Variants in RALGDS observed in about 807,000 individuals in gnomAD.
The protein encoded by RALGDS is ral guanine nucleotide dissociation stimulator, also known as ral guanine nucleotide exchange factor.
A neutral mutation model predicts 99.8 loss-of-function variants in RALGDS; 44 were observed. The ratio of observed to expected loss-of-function variants is 0.44; its 90% CI spans 0.35 to 0.57. RALGDS has a LOEUF of 0.57. Among genes scored for constraint, RALGDS ranks in the 20% least tolerant of loss-of-function variants. The pLI, the probability that RALGDS is intolerant of heterozygous loss-of-function variation, is 0.01. For missense variants in RALGDS, 1,022 were observed against 1,203.1 expected (o/e 0.85, Z 2.23); for synonymous variants, 529 against 505.0 (o/e 1.05, Z -0.64).
upstream of RALGDS, chr9:133,131,213 C>T: frequency 3.6e-6 from 4 of 1,101,686 alleles, no homozygotes; most frequent in Non-Finnish European, 4.5e-6. Flanking sequence ...GCTGAGCAGA[C>T]AGTTCAGGGC....
chr9:133,124,128 A>C (rs1832070759), upstream of RALGDS, among the ~76,000 whole-genome samples: 1 of 131,898 alleles, frequency 7.6e-6, no homozygotes, highest in Admixed American at 7.9e-5. Context: ...ATAGAGACAG[A>C]GACACAGACA....
At chr9:133,110,565 C>T (rs1207614995) in intron 2 of RALGDS, 76 bp from the exon 3 acceptor site, 2 of 1,308,352 alleles carry the variant, frequency 1.5e-6, no homozygotes. Context: ...GAACCCCGAG[C>T]CCTCAGCAGC....
In RALGDS at chr9:133,114,972, G is replaced by A. The variant is rs546865482; in HGVS notation, c.184-2820C>T. 2.8e-4 allele frequency among the ~76,000 whole-genome samples: 42 copies of A among 152,310 alleles called. 1 individual carries two copies. The East Asian group carries it at 8.1e-3, about 29-fold the overall frequency. Reference sequence around the variant, plus strand: ...CCCAGAGCCCTGAAGATGAGGATGGGAAACAGGGCCTGGTGGTGTCTGGTG... The same window carrying A: ...CCCAGAGCCCTGAAGATGAGGATGGAAAACAGGGCCTGGTGGTGTCTGGTG... On this transcript the variant is annotated intron_variant, in intron 1 of 17. Transcript: ENST00000372050.
intron 1 of RALGDS, among the ~76,000 whole-genome samples, chr9:133,147,350 G>C (rs1053911950): frequency 6.6e-6 from 1 of 152,224 alleles, no homozygotes; most frequent in African/African-American, 2.4e-5. Flanking sequence ...CTGCAGCACT[G>C]CTTTTTCCTT....
chr9:133,100,429 G>A (rs184678365), intron 16 of RALGDS, 47 bp from the exon 17 acceptor site: 169 of 1,608,926 alleles, frequency 1.1e-4, no homozygotes, highest in Non-Finnish European at 1.3e-4. Flanking sequence ...ACCCTGGAGC[G>A]GCTCCCCCAG....
intron 12 of RALGDS, 133 bp downstream of exon 12, chr9:133,103,097 G>A (rs1195416961): frequency 2.1e-6 from 3 of 1,408,438 alleles, no homozygotes; most frequent in Middle Eastern, 2.2e-4. Context: ...CCAGTGGGAG[G>A]GGACCCCCTT....
intron 8 of RALGDS, 28 bp from the exon 9 acceptor site, chr9:133,106,044 A>C (rs375680546): frequency 2.5e-6 from 4 of 1,574,432 alleles, no homozygotes; most frequent in Admixed American, 3.3e-5. Context: ...AAGGAAAGAG[A>C]AAGCTGGGAA....
intron 6 of RALGDS, among the ~76,000 whole-genome samples, 193 bp downstream of exon 6, chr9:133,107,795 G>A (rs988920461): frequency 6.6e-6 from 1 of 152,222 alleles, no homozygotes; most frequent in African/African-American, 2.4e-5. Context: ...GGAGGATAGG[G>A]GTGACCTCAT....
At chr9:133,138,857 A>C (rs1832468292) in intron 1 of RALGDS, among the ~76,000 whole-genome samples, 1 of 151,888 alleles carries the variant, frequency 6.6e-6, no homozygotes, top group African/African-American at 2.4e-5. Flanking sequence ...CTGGCCTCAA[A>C]CTCCTGACCT....
Position 133,103,791 on chromosome 9 carries a change from T to C in RALGDS, c.1714A>G (p.Thr572Ala), listed in dbSNP as rs1476174020. Reference sequence around the variant, plus strand: ...GCAGTGTCCAGCATCACCAGGTCGGTGAGGAACGTGCCCAGGTAGGGAACG... The same window carrying C: ...GCAGTGTCCAGCATCACCAGGTCGGCGAGGAACGTGCCCAGGTAGGGAACG... ...GTVPYLGTFL[T>A]DLVMLDTAMK... The change falls in exon 11 of 18, where the codon ACC (threonine) becomes GCC (alanine). Residue 572 changes from threonine to alanine, a missense_variant. Coordinates refer to ENST00000372050, the MANE Select transcript of RALGDS (RefSeq NM_006266.4). 5.0e-6 allele frequency: 8 copies of C among 1,613,212 alleles called. No homozygotes were observed. Among genetic ancestry groups the C allele is most frequent in the Non-Finnish European group, 5.1e-6 (6 of 1,179,894 alleles).
upstream of RALGDS, among the ~76,000 whole-genome samples, chr9:133,123,477 AC>A (rs1832018399): frequency 2.6e-5 from 4 of 151,316 alleles, no homozygotes; most frequent in South Asian, 8.4e-4. Context: ...ATCACACTAA[AC>A]CCCCCAACGC....
intron 1 of RALGDS, among the ~76,000 whole-genome samples, chr9:133,129,867 G>A (rs1039614036): frequency 6.7e-6 from 1 of 150,148 alleles, no homozygotes; most frequent in Non-Finnish European, 1.5e-5. Flanking sequence ...CCAGGCTGGA[G>A]TGCAGTGGTG....
At chr9:133,128,444 C>T (rs1832231102) in intron 1 of RALGDS, among the ~76,000 whole-genome samples, 1 of 152,130 alleles carries the variant, frequency 6.6e-6, no homozygotes, top group Non-Finnish European at 1.5e-5. Context: ...AACGTCTATC[C>T]CACAGCTGTG....
Position 133,108,219 on chromosome 9 carries a change from A to G in RALGDS, c.966T>C (p.Ala322=), listed in dbSNP as rs1831167343. The G allele has an allele frequency of 6.2e-7, 1 of 1,612,758 alleles. No homozygotes were observed. The highest frequency in any genetic ancestry group is 1.3e-5 in the African/African-American group (1 of 74,860). The change falls in exon 6 of 18, where the codon GCT becomes GCC. Residue 322 remains alanine (A), a synonymous_variant. Coordinates refer to ENST00000372050, the MANE Select transcript of RALGDS (RefSeq NM_006266.4). The part of the protein sequence containing the change: ...APELQQAPEP[A]VGLESAPAPA... Reference sequence around the variant, plus strand: ...GCGCTGGAGCCGATTCTAGTCCCACAGCTGGCTCTGGAGCCTGCTGGAGCT... The same window carrying G: ...GCGCTGGAGCCGATTCTAGTCCCACGGCTGGCTCTGGAGCCTGCTGGAGCT...
At chr9:133,115,859 G>C (rs1042817375) in intron 1 of RALGDS, among the ~76,000 whole-genome samples, 3 of 152,246 alleles carry the variant, frequency 2.0e-5, no homozygotes, top group African/African-American at 7.2e-5. Context: ...GTGGGTGGGA[G>C]CAGCTTTCTG....
upstream of RALGDS, among the ~76,000 whole-genome samples, chr9:133,133,699 C>T (rs544858243): frequency 6.6e-6 from 1 of 152,210 alleles, no homozygotes; most frequent in Non-Finnish European, 1.5e-5. Flanking sequence ...CGACCCTGAC[C>T]CCAGGCTTCT....
chr9:133,130,004 ACT>A (rs150341896), intron 1 of RALGDS, among the ~76,000 whole-genome samples: 5,486 of 143,684 alleles, frequency 0.038, 331 homozygotes, highest in African/African-American at 0.14. Context: ...ACATCGTCTC[ACT>A]CTGTCACCCA....
At chr9:133,128,150 A>G (rs773452145) in intron 1 of RALGDS, among the ~76,000 whole-genome samples, 1 of 152,050 alleles carries the variant, frequency 6.6e-6, no homozygotes, top group Non-Finnish European at 1.5e-5. Flanking sequence ...AGTCACTGCC[A>G]CCCCCGAGGG....
chr9:133,137,009 C>T (rs977032844), intron 1 of RALGDS, among the ~76,000 whole-genome samples: 3 of 151,870 alleles, frequency 2.0e-5, no homozygotes, highest in South Asian at 4.2e-4. Flanking sequence ...CCGAGGCGGG[C>T]GGATCACTTG....
Sources: gnomAD v4.1 joint callset for allele counts (sites outside exome capture counted in the v4.1 genomes callset) on GRCh38, gnomAD v4.1.1 for gene constraint, MANE v1.5 for transcripts, NCBI Gene and HGNC (gene_info 2026-07-23, HGNC 2026-07-21) for gene names.